The following CACNA1B variants were observed in gnomAD, a reference collection of about 807,000 sequenced individuals.
CACNA1B encodes calcium voltage-gated channel subunit alpha1 B.
A neutral mutation model predicts 247.2 loss-of-function variants in CACNA1B; 70 were observed. The ratio of observed to expected loss-of-function variants is 0.28; its 90% confidence interval spans 0.23 to 0.35. The LOEUF is 0.35. Ranked by LOEUF, CACNA1B falls within the 10% of genes least tolerant of loss-of-function variation. The pLI, the probability that CACNA1B is intolerant of heterozygous loss-of-function variation, is 1.00. For missense variants in CACNA1B, 2,367 were observed against 3,197.4 expected (o/e 0.74, Z 6.26); for synonymous variants, 1,231 against 1,294.4 (o/e 0.95, Z 1.05).
chr9:137,965,803 C>G (rs894048144), intron 10 of CACNA1B, among the ~76,000 whole-genome samples: 9 of 152,122 alleles, frequency 5.9e-5, no homozygotes, highest in Non-Finnish European at 1.3e-4. Context: ...CCAGGCTGGT[C>G]TTGAACTCTG....
intron 15 of CACNA1B, among the ~76,000 whole-genome samples, chr9:138,006,319 T>C (rs1958648961): frequency 6.6e-6 from 1 of 152,138 alleles, no homozygotes. Context: ...ACCCACCAAG[T>C]GGAGTGGCAG....
At chr9:138,099,809 T>C (rs1036064365) in intron 37 of CACNA1B, among the ~76,000 whole-genome samples, 1 of 152,250 alleles carries the variant, frequency 6.6e-6, no homozygotes, top group Admixed American at 6.5e-5. Context: ...TTTCCCAGCC[T>C]TCCTATTGTT....
At chr9:137,935,276 C>A (rs1405003922) in intron 6 of CACNA1B, among the ~76,000 whole-genome samples, 1 of 152,042 alleles carries the variant, frequency 6.6e-6, no homozygotes, top group African/African-American at 2.4e-5. Context: ...ATGACAGGCT[C>A]CGGCGTGTGA....
intron 15 of CACNA1B, among the ~76,000 whole-genome samples, chr9:138,000,051 A>G (rs1203135328): frequency 6.6e-6 from 1 of 152,134 alleles, no homozygotes; most frequent in Non-Finnish European, 1.5e-5. Flanking sequence ...TTCCAAAAGA[A>G]TACTTTGGCA....
rs1957885890 is a variant in CACNA1B, at chr9:137,952,257, C to T, written c.967-17C>T. 6.2e-7 allele frequency: 1 copy of T among 1,607,304 alleles called. No individual in the cohort carries two copies. Among genetic ancestry groups the T allele is most frequent in the African/African-American group, 1.3e-5 (1 of 74,752 alleles). On this transcript the variant is annotated splice_polypyrimidine_tract_variant and intron_variant, in intron 6 of 46. Transcript: ENST00000371372. This position sits in a 1 kb window ranked among gnomAD's most constrained non-coding sequence, Gnocchi z 4.8. ...TTTTGTCCCTGTCCTTCCTCATCTC[C>T]CTCTCCTTGCTTCCAGACAAACGAT...
At chr9:138,066,249 A>C (rs1162048203) in intron 31 of CACNA1B, among the ~76,000 whole-genome samples, 1 of 152,220 alleles carries the variant, frequency 6.6e-6, no homozygotes, top group African/African-American at 2.4e-5. Flanking sequence ...CTCCACCTGC[A>C]AAGCAGGTTC....
At chr9:138,065,034 C>T (rs1355814044) in intron 31 of CACNA1B, among the ~76,000 whole-genome samples, 5 of 152,254 alleles carry the variant, frequency 3.3e-5, no homozygotes, top group African/African-American at 1.2e-4. Context: ...TTCTGGCACC[C>T]TCACCTCATT....
intron 12 of CACNA1B, among the ~76,000 whole-genome samples, chr9:137,980,267 A>T (rs1158692944): frequency 6.6e-6 from 1 of 152,164 alleles, no homozygotes; most frequent in Admixed American, 6.5e-5. Flanking sequence ...ACCCACACCT[A>T]TTAGGCCTTA....
At chr9:138,109,162 T>G (rs1390167004) in intron 39 of CACNA1B, among the ~76,000 whole-genome samples, 4 of 152,226 alleles carry the variant, frequency 2.6e-5, no homozygotes, top group Non-Finnish European at 5.9e-5. Context: ...TAAGGAAAGC[T>G]TCATCAATCA....
chr9:137,981,613 A>G (rs1018196687), intron 12 of CACNA1B, among the ~76,000 whole-genome samples: 2 of 152,122 alleles, frequency 1.3e-5, no homozygotes, highest in African/African-American at 4.8e-5. Context: ...AGTAGCTGAG[A>G]TTACAGGCAC....
At chr9:138,005,584 A>G (rs935086008) in intron 15 of CACNA1B, among the ~76,000 whole-genome samples, 1 of 152,244 alleles carries the variant, frequency 6.6e-6, no homozygotes, top group Admixed American at 6.5e-5. Context: ...TATATTGTCT[A>G]TTTCAAAATA....
At chr9:137,981,152 T>C (rs947906505) in intron 12 of CACNA1B, among the ~76,000 whole-genome samples, 2 of 152,226 alleles carry the variant, frequency 1.3e-5, no homozygotes, top group Non-Finnish European at 2.9e-5. Context: ...CAACATCTGT[T>C]ATTTTTTGAC....
intron 3 of CACNA1B, among the ~76,000 whole-genome samples, chr9:137,904,090 C>T (rs755926936): frequency 9.2e-5 from 14 of 152,144 alleles, no homozygotes; most frequent in Admixed American, 8.5e-4. Flanking sequence ...ATCTCATCAT[C>T]CTGTGCTTTT....
At position 138,046,986 on chromosome 9, in the gene CACNA1B, G is replaced by T. The variant is rs554281635; in HGVS notation, c.3496G>T (p.Ala1166Ser). ...CGTGGTCATCGCCTTGAGCAGCATC[G>T]CCCTGGCTGCTGAGGACCCAGTGCG... ...ILVVIALSSIALAAEDPVRTD... is the reference protein window; with the variant it reads ...ILVVIALSSISLAAEDPVRTD... Residue 1166 changes from alanine to serine, a missense_variant, in exon 22 of 47, where the codon GCC (alanine) becomes TCC (serine). Ala to Ser is a moderately conservative substitution (Grantham distance 99). Around this residue, in one of 12 missense-constraint regions of CACNA1B, gnomAD observed 436 missense variants for 679.5 expected, o/e 0.64. Coordinates refer to ENST00000371372, the MANE Select transcript of CACNA1B (RefSeq NM_000718.4). The T allele has an allele frequency of 3.7e-6, 6 of 1,613,392 alleles. No individual in the cohort carries two copies. Among genetic ancestry groups the T allele is most frequent in the South Asian group, 1.1e-5 (1 of 90,994 alleles).
intron 3 of CACNA1B, among the ~76,000 whole-genome samples, chr9:137,905,080 C>T (rs570357446): frequency 5.3e-5 from 8 of 152,126 alleles, no homozygotes; most frequent in African/African-American, 1.9e-4. Flanking sequence ...AGGGGCCAGG[C>T]GTGGTGGCTT....
intron 44 of CACNA1B, among the ~76,000 whole-genome samples, chr9:138,119,493 G>A (rs774352168): frequency 3.9e-5 from 6 of 152,124 alleles, no homozygotes; most frequent in South Asian, 2.1e-4. Flanking sequence ...TCCCTCGGCC[G>A]ACCTGGGCTG....
In CACNA1B at chr9:137,954,856, TTGTGTGTG is replaced by T. The variant is rs150496046; in HGVS notation, c.1071-825_1071-818del. ...ACACCCACTCCACCAACTCAGAAGC[TTGTGTGTG>T]TGTGTGTGTGTGTGTGAGAGAGAGA... On this transcript the variant is annotated intron_variant, in intron 7 of 46. Coordinates refer to ENST00000371372, the MANE Select transcript of CACNA1B (RefSeq NM_000718.4). This position sits in a 1 kb window ranked among gnomAD's most constrained non-coding sequence, Gnocchi z 4.1. Among the ~76,000 whole-genome samples the T allele has an allele frequency of 1.7e-5, 2 of 120,946 alleles. No homozygotes were observed. The highest frequency in any genetic ancestry group is 4.0e-5 in the African/African-American group (1 of 25,258). 79.3% of individuals were successfully genotyped at this position (120,946 alleles called of 152,430 possible). A position where few individuals can be genotyped will look rare whatever the true frequency, so the allele number is the denominator to read the frequency against.
At position 138,050,034 on chromosome 9, in the gene CACNA1B, T is replaced by C. The variant is rs1426638191; in HGVS notation, c.3710+719T>C. On this transcript the variant is annotated intron_variant, in intron 24 of 46. Transcript: ENST00000371372. The surrounding 1 kb of genome is among the most constrained non-coding windows in gnomAD (Gnocchi z 5.2). ...CTGGGAGGGCTGCTCCTGGTGCCAC[T>C]GACTCTGTTCTCTTTGTCTTCCTCT... The C allele has an allele frequency of 7.8e-7, 1 of 1,287,436 alleles. No individual in the cohort carries two copies. The highest frequency in any genetic ancestry group is 1.0e-6 in the Non-Finnish European group (1 of 986,786). 79.8% of individuals were successfully genotyped at this position (1,287,436 alleles called of 1,614,324 possible).
Position 138,023,502 on chromosome 9 carries a change from G to T in CACNA1B, c.2759G>T (p.Arg920Leu). 9.3e-7 allele frequency: 1 copy of T among 1,076,468 alleles called. No homozygotes were observed. Among genetic ancestry groups the T allele is most frequent in the Non-Finnish European group, 1.1e-6 (1 of 893,920 alleles). 66.7% of individuals were successfully genotyped at this position (1,076,468 alleles called of 1,614,324 possible). A position where few individuals can be genotyped will look rare whatever the true frequency, so the allele number is the denominator to read the frequency against. The part of the protein sequence containing the change: ...PGPEGGRRHH[R>L]RGSPEEAAER... ...CCCGAGGGCGGCCGGCGGCACCACC[G>T]GCGCGGCTCCCCGGAGGAGGCGGCC... The change falls in exon 19 of 47, where the codon CGG becomes CTG. Residue 920 changes from arginine to leucine, a missense_variant. Physicochemically the swap from Arg to Leu is moderately radical, Grantham distance 102. Transcript: ENST00000371372.
Sources: allele counts gnomAD v4.1 joint callset (sites outside exome capture counted in the v4.1 genomes callset), GRCh38; gene constraint gnomAD v4.1.1; regional missense constraint gnomAD v4.1.1; non-coding constraint Gnocchi (gnomAD v3.1); transcripts MANE v1.5; gene names NCBI Gene and HGNC (gene_info 2026-07-23, HGNC 2026-07-21).